DNAH5: variants seen among roughly 807,000 people sequenced by gnomAD.
DNAH5 encodes dynein axonemal heavy chain 5.
Under a neutral mutation model 518.2 loss-of-function variants are expected in DNAH5, and 372 were observed. That is an observed-to-expected ratio of 0.72 (90% CI 0.66 to 0.78). The LOEUF (loss-of-function observed/expected upper bound fraction) is 0.78, where lower values mean the gene tolerates loss of function less well. Ranked by LOEUF, DNAH5 falls within the 30% of genes least tolerant of loss-of-function variation. The pLI is 0.00. For missense variants in DNAH5, 5,523 were observed against 5,687.0 expected, an observed-to-expected ratio of 0.97 and a Z score of 0.93; for synonymous variants, 2,039 against 2,025.9, an observed-to-expected ratio of 1.01 and a Z score of -0.17.
At chr5:13,757,019 C>A (rs1751087034) in intron 61 of DNAH5, among the ~76,000 whole-genome samples, 1 of 152,176 alleles carries the variant, frequency 6.6e-6, no homozygotes, top group Non-Finnish European at 1.5e-5. Context: ...CATCTAGGTT[C>A]CTGAAAGGAC....
chr5:13,953,455 A>T (rs1170199982), intron 1 of DNAH5, among the ~76,000 whole-genome samples: 1 of 152,198 alleles, frequency 6.6e-6, no homozygotes, highest in Non-Finnish European at 1.5e-5. Context: ...GTGGGTTCAA[A>T]CATTCAAATG....
intron 1 of DNAH5, among the ~76,000 whole-genome samples, chr5:13,986,554 C>CAA (rs2152071123): frequency 6.6e-6 from 1 of 152,258 alleles, no homozygotes; most frequent in African/African-American, 2.4e-5. Flanking sequence ...ACTATGGACA[C>CAA]AAACAAAGCC....
chr5:13,932,558 A>G (rs1228428667), intron 1 of DNAH5: 1 of 152,240 alleles, frequency 6.6e-6, no homozygotes, highest in Non-Finnish European at 1.5e-5. Flanking sequence ...ATGAGAAAAA[A>G]GTCAGATAAT....
rs1424629012 is a variant in DNAH5, at chr5:13,829,715, A to C, written c.6250-11T>G. On this transcript the variant is annotated splice_polypyrimidine_tract_variant and intron_variant, in intron 37 of 78. Transcript: ENST00000265104. Reference sequence around the variant, plus strand: ...GGCATAGCCAGGATTCTAAACAGAAAATAAAGCCCAAGGATGAATGATGCA... The same window carrying C: ...GGCATAGCCAGGATTCTAAACAGAACATAAAGCCCAAGGATGAATGATGCA... 2 of 1,612,322 alleles carry C rather than the reference A, an allele frequency of 1.2e-6. No individual in the cohort carries two copies. Among genetic ancestry groups the C allele is most frequent in the East Asian group, 4.5e-5 (2 of 44,876 alleles).
Position 13,699,749 on chromosome 5 carries a change from A to ATAAGTAT in DNAH5, c.13723+890_13723+891insATACTTA, listed in dbSNP as rs1741840312. Among the ~76,000 whole-genome samples the ATAAGTAT allele has an allele frequency of 6.6e-5, 10 of 152,292 alleles. No homozygotes were observed. The South Asian group carries it at 2.1e-3, about 32-fold the overall frequency. On this transcript the variant is annotated intron_variant, in intron 78 of 78. Transcript: ENST00000265104. ...ATAAATAAATACTTGTAGTTCATAA[A>ATAAGTAT]TTATTTTATCCCTTTACTTGTTAGA...
At chr5:14,005,759 A>G (rs1784682733) in intron 1 of DNAH5, among the ~76,000 whole-genome samples, 1 of 152,240 alleles carries the variant, frequency 6.6e-6, no homozygotes, top group Non-Finnish European at 1.5e-5. Flanking sequence ...TTAAAGGAGG[A>G]AACTCCATGA....
chr5:13,778,592 A>AG (rs1561234696), intron 53 of DNAH5, among the ~76,000 whole-genome samples: 35 of 51,568 alleles, frequency 6.8e-4, no homozygotes, highest in Non-Finnish European at 1.1e-3. Flanking sequence ...GAAAGAAAGA[A>AG]AGAAAGAGAG....
intron 16 of DNAH5, among the ~76,000 whole-genome samples, chr5:13,892,809 T>A (rs1400336469): frequency 6.6e-6 from 1 of 152,182 alleles, no homozygotes; most frequent in African/African-American, 2.4e-5. Context: ...TTGTTTTATT[T>A]CCTGGGGAGG....
At chr5:14,008,925 G>A (rs954581871) in intron 1 of DNAH5, among the ~76,000 whole-genome samples, 2 of 152,140 alleles carry the variant, frequency 1.3e-5, no homozygotes, top group Admixed American at 1.3e-4. Flanking sequence ...CCCATGCATC[G>A]GGCCTGGCCA....
chr5:13,923,298 G>C lies in DNAH5; in HGVS notation c.420C>G (p.Thr140=), dbSNP rs369627707. 5 of 1,614,086 alleles carry C rather than the reference G, an allele frequency of 3.1e-6. No homozygotes were observed. In the South Asian group the frequency reaches 3.3e-5, roughly 11 times the overall value. The change falls in exon 4 of 79, where the codon ACC becomes ACG. Residue 140 remains threonine, a synonymous_variant. Coordinates refer to ENST00000265104, the MANE Select transcript of DNAH5 (RefSeq NM_001369.3). ...FIRTDPSKAI[T]PDNIHQEVSF... The stretch of plus-strand genomic sequence containing the variant: ...CCCTTACCTGGTGGATGTTGTCAGG[G>C]GTGATGGCTTTGGAAGGGTCAGTCC...
intron 31 of DNAH5, 151 bp downstream of exon 31, chr5:13,850,501 A>T (rs1766677531): frequency 5.9e-6 from 4 of 681,070 alleles, no homozygotes; most frequent in Non-Finnish European, 1.0e-5. Flanking sequence ...TGAGAATATA[A>T]GGCTTCAAAA....
chr5:13,818,458 A>G (rs567215704), intron 41 of DNAH5, among the ~76,000 whole-genome samples: 1 of 152,360 alleles, frequency 6.6e-6, no homozygotes, highest in South Asian at 2.1e-4. Flanking sequence ...TTAGCCAGGC[A>G]TGGCGGAAGT....
chr5:13,852,657 G>A (rs989867400), intron 30 of DNAH5, among the ~76,000 whole-genome samples: 10 of 152,134 alleles, frequency 6.6e-5, no homozygotes, highest in African/African-American at 2.2e-4. Flanking sequence ...GTCTGAAGTC[G>A]ACCGGGAATG....
intron 60 of DNAH5, among the ~76,000 whole-genome samples, chr5:13,759,666 G>C (rs944737359): frequency 6.6e-6 from 1 of 152,082 alleles, no homozygotes; most frequent in African/African-American, 2.4e-5. Context: ...TTTTAAAGAA[G>C]CTATTAAGAT....
chr5:13,899,301 G>C (rs910431536), intron 15 of DNAH5: 1 of 152,310 alleles, frequency 6.6e-6, no homozygotes, highest in African/African-American at 2.4e-5. Flanking sequence ...TTGCACACCT[G>C]TCTTCTTCTT....
intron 60 of DNAH5, among the ~76,000 whole-genome samples, chr5:13,761,923 C>T (rs1751836861): frequency 6.6e-6 from 1 of 152,160 alleles, no homozygotes; most frequent in Non-Finnish European, 1.5e-5. Context: ...CTTCCTGATA[C>T]TCTTGATTAT....
chr5:13,736,767 C>T (rs1032902910), intron 66 of DNAH5, among the ~76,000 whole-genome samples: 1 of 152,092 alleles, frequency 6.6e-6, no homozygotes, highest in Non-Finnish European at 1.5e-5. Context: ...TAAAAGATAG[C>T]CGATCCAACT....
At chr5:13,861,826 T>C (rs1768457935) in intron 29 of DNAH5, among the ~76,000 whole-genome samples, 2 of 151,670 alleles carry the variant, frequency 1.3e-5, no homozygotes, top group African/African-American at 4.8e-5. Flanking sequence ...GCGTGGTGGC[T>C]GTTGCCTGTA....
chr5:13,698,528 C>A (rs1741665925), intron 78 of DNAH5, among the ~76,000 whole-genome samples: 2 of 152,118 alleles, frequency 1.3e-5, no homozygotes, highest in Admixed American at 6.5e-5. Flanking sequence ...TTAAGGATAT[C>A]TTTTTAATAT....
Sources: allele counts gnomAD v4.1 joint callset (sites outside exome capture counted in the v4.1 genomes callset), GRCh38; gene constraint gnomAD v4.1.1; transcripts MANE v1.5; gene names NCBI Gene and HGNC (gene_info 2026-07-23, HGNC 2026-07-21).